SPTBN1: variants seen among roughly 807,000 people sequenced by gnomAD.
SPTBN1 encodes the protein spectrin beta, non-erythrocytic 1.
In SPTBN1, 32 loss-of-function variants were observed where a neutral mutation model predicts 266.4. The ratio of observed to expected loss-of-function variants is 0.12; its 90% confidence interval spans 0.09 to 0.16. The LOEUF is 0.16. Among genes scored for constraint, SPTBN1 ranks in the 10% least tolerant of loss-of-function variants. SPTBN1 has a pLI of 1.00. For synonymous variants in SPTBN1, 1,336 were observed against 1,162.2 expected, an observed-to-expected ratio of 1.15 and a Z score of -3.04; for missense variants, 2,296 against 3,067.1, an observed-to-expected ratio of 0.75 and a Z score of 5.94.
intron 30 of SPTBN1, among the ~76,000 whole-genome samples, chr2:54,658,716 G>A (rs576018529): frequency 1.2e-4 from 19 of 152,300 alleles, no homozygotes; most frequent in African/African-American, 4.6e-4. Context: ...TTTTTAATGT[G>A]TTGTTTGGGT....
At position 54,632,766 on chromosome 2, in the gene SPTBN1, C is replaced by T. The variant is rs746344868; in HGVS notation, c.3765C>T (p.Asp1255=). ...RIQEKVDSID[D]RHRKNRETAS... is the part of the protein sequence containing the mutation. The stretch of plus-strand genomic sequence containing the variant: ...AGGAGAAGGTGGACTCTATTGATGA[C>T]AGGTACAGTTTTCTGAGGTTCTTAA... The change falls in exon 17 of 36, where the codon GAC becomes GAT. Residue 1255 remains aspartate (D), a splice_region_variant and synonymous_variant. Coordinates refer to ENST00000356805, the MANE Select transcript of SPTBN1 (RefSeq NM_003128.3). The T allele has an allele frequency of 1.2e-6, 2 of 1,614,070 alleles. No homozygotes were observed. Among genetic ancestry groups the T allele is most frequent in the South Asian group, 2.2e-5 (2 of 91,062 alleles).
intron 1 of SPTBN1, among the ~76,000 whole-genome samples, chr2:54,486,899 A>G (rs1232287085): frequency 1.3e-5 from 2 of 152,142 alleles, no homozygotes; most frequent in Non-Finnish European, 1.5e-5. Flanking sequence ...TTGTATTGAA[A>G]AAACTGCTTT....
chr2:54,513,407 TAGG>T (rs1159160896), intron 1 of SPTBN1, among the ~76,000 whole-genome samples: 1 of 152,200 alleles, frequency 6.6e-6, no homozygotes, highest in East Asian at 1.9e-4. Flanking sequence ...TGGGTTGCTC[TAGG>T]AGAAGTCAGA....
intron 1 of SPTBN1, among the ~76,000 whole-genome samples, chr2:54,514,813 C>A (rs925516503): frequency 3.3e-5 from 5 of 152,218 alleles, no homozygotes; most frequent in South Asian, 2.1e-4. Flanking sequence ...TTGCTTCTAA[C>A]CTCCAAGCAG....
Position 54,563,240 on chromosome 2 carries a change from C to G in SPTBN1, c.149-35852C>G, listed in dbSNP as rs572615835. 3.5e-4 allele frequency among the ~76,000 whole-genome samples: 54 copies of G among 152,294 alleles called. No homozygotes were observed. In the South Asian group the frequency reaches 0.01, roughly 29 times the overall value. Reference sequence around the variant, plus strand: ...CCAACCTGCCCCTGGAGAACTGATTCTATTGGCTCTGGCTGTGAAGTTGTA... The same window carrying G: ...CCAACCTGCCCCTGGAGAACTGATTGTATTGGCTCTGGCTGTGAAGTTGTA... On this transcript the variant is annotated intron_variant, in intron 2 of 35. Transcript: ENST00000356805.
At chr2:54,665,646 G>A (rs1316586529) in intron 33 of SPTBN1, among the ~76,000 whole-genome samples, 1 of 152,184 alleles carries the variant, frequency 6.6e-6, no homozygotes, top group Admixed American at 6.5e-5. Context: ...GTACAAGAGG[G>A]TAACTTGCTT....
At chr2:54,609,998 A>G (rs1677104029) in intron 3 of SPTBN1, among the ~76,000 whole-genome samples, 2 of 151,346 alleles carry the variant, frequency 1.3e-5, no homozygotes, top group African/African-American at 4.9e-5. Flanking sequence ...CCTGGTGCTC[A>G]CCTCTCTTTC....
intron 2 of SPTBN1, 90 bp from the exon 3 acceptor site, chr2:54,599,002 C>T: frequency 6.7e-7 from 1 of 1,497,512 alleles, no homozygotes; most frequent in South Asian, 1.3e-5. Context: ...GCTGACCTTC[C>T]TCTGGCTGGG....
In SPTBN1 at chr2:54,647,255, C is replaced by G. The variant is rs761006155; in HGVS notation, c.4991C>G (p.Pro1664Arg). Residue 1664 changes from proline to arginine, a missense_variant, in exon 24 of 36, where the codon CCT becomes CGT. By Grantham distance (103) the Pro-to-Arg change is moderately radical. Transcript: ENST00000356805. ...TSRALVADSH[P>R]ESERISMRQS... The stretch of plus-strand genomic sequence containing the variant: ...CGGGCCCTGGTGGCCGACAGCCATC[C>G]TGAAAGGTGAGCGCTGCTTCATGAG... 1 of 1,613,822 alleles carries G rather than the reference C, an allele frequency of 6.2e-7. No individual in the cohort carries two copies. The highest frequency in any genetic ancestry group is 1.7e-5 in the Admixed American group (1 of 60,016).
intron 15 of SPTBN1, 28 bp from the exon 16 acceptor site, chr2:54,630,827 C>T: frequency 1.3e-6 from 2 of 1,532,378 alleles, no homozygotes; most frequent in South Asian, 1.3e-5. Context: ...CCCTTTTTCA[C>T]ACTCGCTGTC....
chr2:54,588,725 A>T (rs1675469550), intron 2 of SPTBN1, among the ~76,000 whole-genome samples: 1 of 152,170 alleles, frequency 6.6e-6, no homozygotes, highest in African/African-American at 2.4e-5. Context: ...TCCTGTAGAG[A>T]TGGAGAGTAG....
chr2:54,582,227 T>G (rs1674969168), intron 2 of SPTBN1, among the ~76,000 whole-genome samples: 1 of 152,074 alleles, frequency 6.6e-6, no homozygotes, highest in African/African-American at 2.4e-5. Context: ...AGAAAGCATT[T>G]TATTGGGGGG....
In SPTBN1 at chr2:54,628,668, A is replaced by C. The variant is rs1297877558; in HGVS notation, c.1799-265A>C. 1.3e-5 allele frequency among the ~76,000 whole-genome samples: 2 copies of C among 152,078 alleles called. No homozygotes were observed. The highest frequency in any genetic ancestry group is 4.8e-5 in the African/African-American group (2 of 41,400). ...ACAATTATATGCAGCTGCCTTTTTC[A>C]TATGATTCAAGTGCTTTCTTGCAGG... On this transcript the variant is annotated intron_variant, in intron 13 of 35. Coordinates refer to ENST00000356805, the MANE Select transcript of SPTBN1 (RefSeq NM_003128.3). This position sits in a 1 kb window ranked among gnomAD's most constrained non-coding sequence, Gnocchi z 4.3.
chr2:54,576,082 T>G (rs899321951), intron 2 of SPTBN1, among the ~76,000 whole-genome samples: 1 of 128,470 alleles, frequency 7.8e-6, no homozygotes, highest in Admixed American at 7.6e-5. Flanking sequence ...TGAGAGACAG[T>G]CTGGCTGTGT....
At chr2:54,526,236 TA>T in intron 1 of SPTBN1, 135 bp from the exon 2 acceptor site, 1 of 668,548 alleles carries the variant, frequency 1.5e-6, no homozygotes, top group Non-Finnish European at 2.4e-6. Context: ...TGCTAAAACC[TA>T]AAACCAGCAT....
intron 2 of SPTBN1, among the ~76,000 whole-genome samples, chr2:54,561,698 A>G (rs999510027): frequency 7.1e-6 from 1 of 140,808 alleles, no homozygotes; most frequent in Non-Finnish European, 1.5e-5. Context: ...GATATTATAA[A>G]TTTATAGTTT....
intron 32 of SPTBN1, chr2:54,662,784 G>A (rs1238614723): frequency 6.6e-6 from 1 of 152,140 alleles, no homozygotes; most frequent in Non-Finnish European, 1.5e-5. Context: ...TCCTTTAAAA[G>A]TGAAAAGAGA....
At chr2:54,591,423 C>T (rs1014481604) in intron 2 of SPTBN1, among the ~76,000 whole-genome samples, 9 of 152,214 alleles carry the variant, frequency 5.9e-5, no homozygotes, top group African/African-American at 1.9e-4. Flanking sequence ...TACATGATTG[C>T]TGTCTCTTAC....
At chr2:54,497,119 C>T (rs1285549371) in intron 1 of SPTBN1, among the ~76,000 whole-genome samples, 1 of 152,154 alleles carries the variant, frequency 6.6e-6, no homozygotes, top group African/African-American at 2.4e-5. Flanking sequence ...TCTGGGGCCC[C>T]CACCAGGAAA....
Sources: gnomAD v4.1 joint callset for allele counts (sites outside exome capture counted in the v4.1 genomes callset) on GRCh38, gnomAD v4.1.1 for gene constraint, Gnocchi (gnomAD v3.1) non-coding constraint, MANE v1.5 for transcripts, NCBI Gene and HGNC (gene_info 2026-07-23, HGNC 2026-07-21) for gene names.